The following CAP2 variants were observed in gnomAD, a reference collection of about 807,000 sequenced individuals.
The protein encoded by CAP2 is adenylyl cyclase-associated protein 2.
Under a neutral mutation model 57.7 loss-of-function variants are expected in CAP2, and 24 were observed. The ratio of observed to expected loss-of-function variants is 0.42; its 90% CI spans 0.30 to 0.58. The LOEUF is 0.58. Among genes scored for constraint, CAP2 ranks in the 20% least tolerant of loss-of-function variants. The pLI is 0.22. For synonymous variants in CAP2, 194 were observed against 207.2 expected, an observed-to-expected ratio of 0.94 and a Z score of 0.55; for missense variants, 501 against 590.3, an observed-to-expected ratio of 0.85 and a Z score of 1.57.
intron 4 of CAP2, among the ~76,000 whole-genome samples, chr6:17,473,272 A>G (rs1761068907): frequency 6.6e-6 from 1 of 152,208 alleles, no homozygotes; most frequent in African/African-American, 2.4e-5. Context: ...TGCTACATAA[A>G]TGATAAAACT....
intron 4 of CAP2, among the ~76,000 whole-genome samples, chr6:17,485,891 G>A (rs939346793): frequency 6.6e-6 from 1 of 152,210 alleles, no homozygotes; most frequent in African/African-American, 2.4e-5. Flanking sequence ...GGGAAGGATG[G>A]AATGGAAGAA....
chr6:17,482,292 C>G (rs753816410), intron 4 of CAP2, among the ~76,000 whole-genome samples: 1 of 151,860 alleles, frequency 6.6e-6, no homozygotes, highest in African/African-American at 2.4e-5. Context: ...ATGATCTGGC[C>G]GAGGTGGGAG....
chr6:17,488,190 G>A (rs1761464157), intron 4 of CAP2, among the ~76,000 whole-genome samples: 1 of 152,200 alleles, frequency 6.6e-6, no homozygotes, highest in South Asian at 2.1e-4. Flanking sequence ...TTACAGGCAT[G>A]AGCCACCACA....
At chr6:17,419,551 G>C (rs1759376605) in intron 1 of CAP2, among the ~76,000 whole-genome samples, 1 of 152,136 alleles carries the variant, frequency 6.6e-6, no homozygotes, top group South Asian at 2.1e-4. Context: ...ATTCCTCAGA[G>C]GTTGCCTTAA....
At chr6:17,547,236 A>G (rs868571298) in intron 11 of CAP2, among the ~76,000 whole-genome samples, 10 of 152,236 alleles carry the variant, frequency 6.6e-5, no homozygotes, top group Admixed American at 2.0e-4. Context: ...GTCTTATACC[A>G]TTATGTAGAG....
At chr6:17,531,229 G>C in intron 7 of CAP2, 1 of 780,572 alleles carries the variant, frequency 1.3e-6, no homozygotes, top group Non-Finnish European at 2.3e-6. Context: ...GCAGTGTATG[G>C]CTCTACAATC....
At chr6:17,466,493 A>G (rs56937168) in intron 4 of CAP2, among the ~76,000 whole-genome samples, 3,824 of 152,254 alleles carry the variant, frequency 0.025, 156 homozygotes, top group African/African-American at 0.082. Flanking sequence ...TTACAATTGA[A>G]GCTCAGATTT....
chr6:17,472,707 A>C (rs996974110), intron 4 of CAP2, among the ~76,000 whole-genome samples: 10 of 152,326 alleles, frequency 6.6e-5, no homozygotes, highest in African/African-American at 2.4e-4. Flanking sequence ...CACACAATAA[A>C]ACACCAAGGA....
At position 17,499,398 on chromosome 6, in the gene CAP2, C is replaced by CAAAAAAAAAA. The variant is rs71002217; in HGVS notation, c.301-7758_301-7749dup. 7.2e-4 allele frequency among the ~76,000 whole-genome samples: 50 copies of CAAAAAAAAAA among 69,536 alleles called. 1 individual carries two copies. The highest frequency in any genetic ancestry group is 2.3e-3 in the African/African-American group (45 of 19,180). The allele number at this position is 69,536 out of a possible 152,430, so 45.6% of individuals were successfully genotyped here. ...TGGGTGACAGAGCAAGACTCCATCT[C>CAAAAAAAAAA]AAAAAAAAAAAAAAAAAAAAAATTA... On this transcript the variant is annotated intron_variant, in intron 4 of 12. Transcript: ENST00000229922.
At chr6:17,552,717 A>T (rs1763200112) in intron 12 of CAP2, among the ~76,000 whole-genome samples, 1 of 152,184 alleles carries the variant, frequency 6.6e-6, no homozygotes, top group Non-Finnish European at 1.5e-5. Flanking sequence ...GATGGGAGAA[A>T]ACATAACTTA....
chr6:17,397,218 C>T (rs1050296647), intron 1 of CAP2, among the ~76,000 whole-genome samples: 12 of 151,964 alleles, frequency 7.9e-5, no homozygotes, highest in African/African-American at 2.7e-4. Flanking sequence ...GGCCACCATG[C>T]CTGGCTAATT....
At chr6:17,507,818 T>C in intron 6 of CAP2, 92 bp downstream of exon 6, 1 of 727,124 alleles carries the variant, frequency 1.4e-6, no homozygotes, top group African/African-American at 1.7e-5. Context: ...CTGATTCCTT[T>C]CCAAGGCTCT....
intron 3 of CAP2, among the ~76,000 whole-genome samples, chr6:17,445,278 TG>T (rs1276254860): frequency 1.3e-5 from 2 of 152,210 alleles, no homozygotes; most frequent in Non-Finnish European, 2.9e-5. Flanking sequence ...AGCTAGTTTT[TG>T]TATTTTTAGT....
At chr6:17,437,845 C>T (rs1001859752) in intron 3 of CAP2, among the ~76,000 whole-genome samples, 61 of 152,024 alleles carry the variant, frequency 4.0e-4, no homozygotes, top group African/African-American at 1.2e-3. Flanking sequence ...CCACTGCACT[C>T]GGTCCAACCT....
chr6:17,530,545 G>C (rs965243756), intron 7 of CAP2, among the ~76,000 whole-genome samples: 2 of 152,134 alleles, frequency 1.3e-5, no homozygotes, highest in African/African-American at 2.4e-5. Flanking sequence ...GTGTGTGTTT[G>C]TGTCCATGAA....
intron 7 of CAP2, among the ~76,000 whole-genome samples, chr6:17,516,832 C>T (rs1726600327): frequency 6.6e-6 from 1 of 152,286 alleles, no homozygotes; most frequent in South Asian, 2.1e-4. Flanking sequence ...AACACTTTTA[C>T]AAATGTTAAC....
intron 1 of CAP2, among the ~76,000 whole-genome samples, chr6:17,408,275 C>G (rs34162954): frequency 0.22 from 34,186 of 151,994 alleles, 4,304 homozygotes; most frequent in South Asian, 0.29. Flanking sequence ...GATTACACGG[C>G]GAGAGAAGAA....
chr6:17,460,312 T>C (rs1760686011), intron 3 of CAP2, among the ~76,000 whole-genome samples: 1 of 151,944 alleles, frequency 6.6e-6, no homozygotes, highest in African/African-American at 2.4e-5. Context: ...AAATACACAA[T>C]AATGAATGCC....
chr6:17,415,551 G>C (rs1243277631), intron 1 of CAP2, among the ~76,000 whole-genome samples: 1 of 152,232 alleles, frequency 6.6e-6, no homozygotes, highest in Non-Finnish European at 1.5e-5. Flanking sequence ...GCAAAGAAAA[G>C]ACAGTGAGTG....
Sources: gnomAD v4.1 joint callset for allele counts (sites outside exome capture counted in the v4.1 genomes callset) on GRCh38, gnomAD v4.1.1 for gene constraint, MANE v1.5 for transcripts, NCBI Gene and HGNC (gene_info 2026-07-23, HGNC 2026-07-21) for gene names.